The following LHFPL1 variants were observed in gnomAD, a reference collection of about 807,000 sequenced individuals.
LHFPL1 encodes LHFPL tetraspan subfamily member 1.
In LHFPL1, 4 loss-of-function variants were observed where a neutral mutation model predicts 12.1. That is an observed-to-expected ratio of 0.33 (90% CI 0.16 to 0.76). LHFPL1 has a LOEUF of 0.76. Ranked by LOEUF, LHFPL1 falls within the 30% of genes least tolerant of loss-of-function variation. The pLI is 0.61. For missense variants in LHFPL1, 141 were observed against 174.1 expected, an observed-to-expected ratio of 0.81 and a Z score of 1.07; for synonymous variants, 52 against 61.9, an observed-to-expected ratio of 0.84 and a Z score of 0.75.
intron 3 of LHFPL1, among the ~76,000 whole-genome samples, chrX:112,655,665 T>A (rs1930977683): frequency 8.9e-6 from 1 of 111,898 alleles, no homozygotes; most frequent in Non-Finnish European, 1.9e-5. Flanking sequence ...ATGTCTTTTC[T>A]TTTTTGGCTC....
Position 112,650,327 on chromosome X carries a change from G to A in LHFPL1, c.481+10300C>T, listed in dbSNP as rs564622043. Among the ~76,000 whole-genome samples the A allele has an allele frequency of 1.1e-4, 12 of 110,976 alleles. No individual in the cohort carries two copies. The South Asian group carries it at 3.8e-3, about 35-fold the overall frequency. Reference sequence around the variant, plus strand: ...CTTAGAAAAGGCCTTTCTTCATCCCGCATTCTCCTCCAGCTGCTGCTCACT... The same window carrying A: ...CTTAGAAAAGGCCTTTCTTCATCCCACATTCTCCTCCAGCTGCTGCTCACT... On this transcript the variant is annotated intron_variant, in intron 3 of 3. Transcript: ENST00000371968.
intron 3 of LHFPL1, among the ~76,000 whole-genome samples, chrX:112,632,422 A>T (rs1417434282): frequency 8.9e-6 from 1 of 111,883 alleles, no homozygotes; most frequent in East Asian, 2.8e-4. Flanking sequence ...GAAAATGTCA[A>T]TGCCTAGAAA....
chrX:112,658,669 T>G (rs1287986829), intron 3 of LHFPL1, among the ~76,000 whole-genome samples: 2 of 111,283 alleles, frequency 1.8e-5, no homozygotes, highest in Admixed American at 1.9e-4. Flanking sequence ...GAAACCATTG[T>G]ACATTGTTGG....
Position 112,630,718 on chromosome X carries a change from A to T in LHFPL1, c.*702T>A, listed in dbSNP as rs1195926843. The T allele has an allele frequency of 5.4e-5, 6 of 111,980 alleles. No individual in the cohort carries two copies. Among genetic ancestry groups the T allele is most frequent in the Non-Finnish European group, 1.1e-4 (6 of 53,227 alleles). The allele number at this position is 111,980 out of a possible 1,213,427, so 9.2% of individuals were successfully genotyped here. A position where few individuals can be genotyped will look rare whatever the true frequency, so the allele number is the denominator to read the frequency against. ...TGCTAGTCTATTCTCAGTACATTTG[A>T]TGAACACCATTTCTTTATCTCTAAA... is the stretch of plus-strand genomic sequence containing the variant. On this transcript the variant is annotated 3_prime_UTR_variant, in exon 4 of 4. Coordinates refer to ENST00000371968, the MANE Select transcript of LHFPL1 (RefSeq NM_178175.4).
chrX:112,646,538 T>G (rs1271129469), intron 3 of LHFPL1, among the ~76,000 whole-genome samples: 1 of 110,179 alleles, frequency 9.1e-6, no homozygotes, highest in African/African-American at 3.3e-5. Context: ...ACACAAAAAT[T>G]TTTGTAGATC....
chrX:112,643,384 A>AAG (rs1930585818), intron 3 of LHFPL1, among the ~76,000 whole-genome samples: 1 of 108,331 alleles, frequency 9.2e-6, no homozygotes, highest in African/African-American at 3.4e-5. Flanking sequence ...GTCTCAAAAA[A>AAG]AAAAAAAAAA....
intron 3 of LHFPL1, among the ~76,000 whole-genome samples, chrX:112,635,903 G>C (rs774830236): frequency 6.3e-5 from 7 of 111,837 alleles, no homozygotes; most frequent in Non-Finnish European, 1.3e-4. Flanking sequence ...ATCTACACCA[G>C]GAGAGGCCAT....
chrX:112,642,743 G>A (rs933224700), intron 3 of LHFPL1, among the ~76,000 whole-genome samples: 4 of 110,791 alleles, frequency 3.6e-5, no homozygotes, highest in African/African-American at 1.3e-4. Context: ...CCAGGGGTGA[G>A]CACCTCATTC....
intron 1 of LHFPL1, among the ~76,000 whole-genome samples, chrX:112,672,206 T>C (rs1344792676): frequency 8.9e-6 from 1 of 112,149 alleles, no homozygotes; most frequent in Non-Finnish European, 1.9e-5. Flanking sequence ...TGTCCTTTGC[T>C]GGATATAATC....
intron 3 of LHFPL1, among the ~76,000 whole-genome samples, chrX:112,651,833 C>A (rs1483712536): frequency 1.8e-5 from 2 of 111,843 alleles, no homozygotes; most frequent in Non-Finnish European, 3.8e-5. Context: ...GAATAGAAAT[C>A]ATATCTTATC....
At chrX:112,667,737 A>G (rs1268821779) in intron 2 of LHFPL1, among the ~76,000 whole-genome samples, 1 of 111,733 alleles carries the variant, frequency 8.9e-6, no homozygotes, top group Non-Finnish European at 1.9e-5. Flanking sequence ...TGTTTCCTTC[A>G]TTGATTGGAG....
chrX:112,636,981 C>T (rs761576948), intron 3 of LHFPL1, among the ~76,000 whole-genome samples: 2 of 111,452 alleles, frequency 1.8e-5, no homozygotes, highest in Middle Eastern at 4.7e-3. Context: ...AGAGAAGGAT[C>T]GGTGGCAGGA....
intron 3 of LHFPL1, among the ~76,000 whole-genome samples, chrX:112,644,449 CTGTT>C (rs1255488763): frequency 1.9e-5 from 2 of 105,140 alleles, no homozygotes; most frequent in Admixed American, 1.0e-4. Context: ...TATATTTCTC[CTGTT>C]TGTGTGTGTG....
At chrX:112,677,713 T>C (rs767660894) in intron 1 of LHFPL1, among the ~76,000 whole-genome samples, 1 of 110,946 alleles carries the variant, frequency 9.0e-6, no homozygotes, top group South Asian at 3.9e-4. Context: ...CCTCATGTTC[T>C]GCTACCTGTC....
chrX:112,645,081 T>C (rs958569463), intron 3 of LHFPL1, among the ~76,000 whole-genome samples: 14 of 112,188 alleles, frequency 1.2e-4, no homozygotes, highest in African/African-American at 3.9e-4. Context: ...CCTCCTTCCC[T>C]CCCAGAAGCC....
At chrX:112,652,226 T>TATA (rs747233344) in intron 3 of LHFPL1, among the ~76,000 whole-genome samples, 162 of 112,368 alleles carry the variant, frequency 1.4e-3, no homozygotes, top group African/African-American at 5.0e-3. Flanking sequence ...ATATCATTTA[T>TATA]CAACACTAAT....
At chrX:112,672,242 T>C (rs1033603281) in intron 1 of LHFPL1, among the ~76,000 whole-genome samples, 1 of 111,853 alleles carries the variant, frequency 8.9e-6, no homozygotes, top group Non-Finnish European at 1.9e-5. Flanking sequence ...AGTTCTGAAA[T>C]AGATCAGGAT....
chrX:112,669,734 G>A (rs1013348452), intron 2 of LHFPL1, among the ~76,000 whole-genome samples: 4 of 111,872 alleles, frequency 3.6e-5, no homozygotes, highest in African/African-American at 9.8e-5. Flanking sequence ...CATTGTAGAC[G>A]TTCATCACCA....
chrX:112,675,604 A>T (rs1204957259), intron 1 of LHFPL1, among the ~76,000 whole-genome samples: 1 of 112,443 alleles, frequency 8.9e-6, no homozygotes, highest in East Asian at 2.8e-4. Context: ...CAACTTTAGG[A>T]AAAACGCATA....
Sources: allele counts gnomAD v4.1 joint callset (sites outside exome capture counted in the v4.1 genomes callset), GRCh38; gene constraint gnomAD v4.1.1; transcripts MANE v1.5; gene names NCBI Gene and HGNC (gene_info 2026-07-23, HGNC 2026-07-21).